ZNF280D: variants seen among roughly 807,000 people sequenced by gnomAD.
ZNF280D encodes zinc finger protein 280D.
A neutral mutation model predicts 94.7 loss-of-function variants in ZNF280D; 39 were observed. The ratio of observed to expected loss-of-function variants is 0.41; its 90% CI spans 0.32 to 0.54. The LOEUF is 0.54. Among genes scored for constraint, ZNF280D ranks in the 20% least tolerant of loss-of-function variants. The pLI is 0.22. For synonymous variants in ZNF280D, 398 were observed against 377.6 expected, an observed-to-expected ratio of 1.05 and a Z score of -0.63; for missense variants, 1,090 against 1,149.3, an observed-to-expected ratio of 0.95 and a Z score of 0.75.
intron 10 of ZNF280D, among the ~76,000 whole-genome samples, chr15:56,680,725 C>A (rs1028425118): frequency 3.3e-5 from 5 of 152,168 alleles, no homozygotes; most frequent in African/African-American, 1.2e-4. Flanking sequence ...GATCATCCTG[C>A]CTCAGCCTCC....
chr15:56,652,892 C>A (rs1204110035), intron 19 of ZNF280D: 1 of 983,146 alleles, frequency 1.0e-6, no homozygotes. Flanking sequence ...GTAGAGAATT[C>A]TAAGAAATCT....
At chr15:56,732,303 C>G (rs556296803) in intron 1 of ZNF280D, among the ~76,000 whole-genome samples, 6 of 152,230 alleles carry the variant, frequency 3.9e-5, no homozygotes, top group African/African-American at 7.2e-5. Context: ...CAGGGGTTAT[C>G]AATGAAAGGC....
rs191102618 is a variant in ZNF280D at position 56,672,308 on chromosome 15, C to T, written c.1411-3351G>A. Among the ~76,000 whole-genome samples, 1,078 of 152,190 alleles carry T rather than the reference C, an allele frequency of 7.1e-3. 14 individuals carry two copies. Among genetic ancestry groups the T allele is most frequent in the African/African-American group, 0.025 (1,031 of 41,528 alleles). On this transcript the variant is annotated intron_variant, in intron 13 of 21. Transcript: ENST00000267807. ...TTTTGCCCATTCAGTATGATACTGG[C>T]TGTGGGTTTGTCATATATGGCTCTT...
chr15:56,636,909 C>T (rs1446991585), intron 20 of ZNF280D, among the ~76,000 whole-genome samples: 4 of 152,080 alleles, frequency 2.6e-5, no homozygotes, highest in Non-Finnish European at 4.4e-5. Context: ...AGTGAGCCAC[C>T]GTGCCCAGCC....
chr15:56,670,391 A>G (rs1017838897), intron 13 of ZNF280D, among the ~76,000 whole-genome samples: 1 of 151,012 alleles, frequency 6.6e-6, no homozygotes, highest in Non-Finnish European at 1.5e-5. Context: ...GTTCCCCTCT[A>G]TGTGTCTTGT....
At chr15:56,728,068 G>A (rs1177126482) in intron 1 of ZNF280D, among the ~76,000 whole-genome samples, 2 of 151,036 alleles carry the variant, frequency 1.3e-5, no homozygotes, top group African/African-American at 4.9e-5. Context: ...GTCTCACTCT[G>A]TCACCCAGGC....
At chr15:56,658,402 T>TA (rs780190577) in intron 17 of ZNF280D, 22 bp downstream of exon 17, 12 of 1,561,542 alleles carry the variant, frequency 7.7e-6, no homozygotes, top group South Asian at 6.1e-5. Flanking sequence ...ATAGAAAGAG[T>TA]AAAAAAAGAT....
chr15:56,634,739 T>A (rs534619870), intron 21 of ZNF280D, among the ~76,000 whole-genome samples: 1 of 152,250 alleles, frequency 6.6e-6, no homozygotes, highest in East Asian at 1.9e-4. Context: ...TACCAAAGTA[T>A]GAAAATTTTA....
intron 6 of ZNF280D, chr15:56,699,671 C>CAA: frequency 2.6e-6 from 2 of 757,136 alleles, no homozygotes; most frequent in Non-Finnish European, 3.2e-6. Context: ...CATGTAACAA[C>CAA]AAAAAAAAAT....
chr15:56,653,791 GA>G, intron 19 of ZNF280D: 2 of 1,259,930 alleles, frequency 1.6e-6, no homozygotes, highest in Non-Finnish European at 2.0e-6. Flanking sequence ...TGTAAGCAAA[GA>G]AAAGACCATA....
intron 6 of ZNF280D, among the ~76,000 whole-genome samples, chr15:56,694,376 C>CTCA (rs1332160832): frequency 1.3e-5 from 2 of 151,278 alleles, no homozygotes; most frequent in African/African-American, 4.9e-5. Flanking sequence ...CTAAAAGATA[C>CTCA]TCATTGTGGA....
intron 1 of ZNF280D, chr15:56,729,880 C>A (rs1296204982): frequency 3.3e-5 from 5 of 152,152 alleles, no homozygotes; most frequent in African/African-American, 1.2e-4. Flanking sequence ...GCAAAGCGTT[C>A]AAATGTGATG....
intron 1 of ZNF280D, among the ~76,000 whole-genome samples, chr15:56,712,843 T>G (rs1223241609): frequency 6.7e-6 from 1 of 149,848 alleles, no homozygotes; most frequent in African/African-American, 2.5e-5. Context: ...CAGGTTCAAG[T>G]GATTCTCCTG....
At position 56,630,749 on chromosome 15, in the gene ZNF280D, T is replaced by G. The variant is rs2052042312; in HGVS notation, c.*749A>C. ...TAATACAACTAATACATCAAAGAAT[T>G]TCTACACAGCTTACACACTGACAAA... On this transcript the variant is annotated 3_prime_UTR_variant, in exon 22 of 22. Transcript: ENST00000267807. The G allele has an allele frequency of 1.3e-5, 2 of 152,150 alleles. No individual in the cohort carries two copies. Among genetic ancestry groups the G allele is most frequent in the South Asian group, 4.1e-4 (2 of 4,828 alleles). The allele number at this position is 152,150 out of a possible 1,614,324, so 9.4% of individuals were successfully genotyped here.
Position 56,654,556 on chromosome 15 carries a change from A to G in ZNF280D, c.2058-53T>C, listed in dbSNP as rs2053415775. On this transcript the variant is annotated intron_variant, in intron 17 of 21. Transcript: ENST00000267807. ...TTTTATCTTTTATGAAAATCCACTT[A>G]TAAGTTTGATGATTATTTTTCCATA... 6.1e-6 allele frequency: 9 copies of G among 1,482,108 alleles called. No individual in the cohort carries two copies. In the South Asian group the frequency reaches 7.9e-5, roughly 13 times the overall value. The allele number at this position is 1,482,108 out of a possible 1,614,324, so 91.8% of individuals were successfully genotyped here. A position where few individuals can be genotyped will look rare whatever the true frequency, so the allele number is the denominator to read the frequency against.
At chr15:56,679,640 G>T (rs1030648016) in intron 10 of ZNF280D, among the ~76,000 whole-genome samples, 2 of 152,142 alleles carry the variant, frequency 1.3e-5, no homozygotes, top group Non-Finnish European at 2.9e-5. Flanking sequence ...TGCTGAATTT[G>T]AGAGTAAAGT....
chr15:56,655,700 A>T (rs2053509690), intron 17 of ZNF280D, among the ~76,000 whole-genome samples: 1 of 152,236 alleles, frequency 6.6e-6, no homozygotes, highest in Non-Finnish European at 1.5e-5. Flanking sequence ...ATTCTAACTT[A>T]AAATGCATTT....
chr15:56,680,152 A>G (rs926093788), intron 10 of ZNF280D, among the ~76,000 whole-genome samples: 2 of 152,220 alleles, frequency 1.3e-5, no homozygotes, highest in African/African-American at 4.8e-5. Flanking sequence ...GTGACACTCA[A>G]TGTAGGAAAG....
At chr15:56,693,563 C>A (rs778465125) in intron 6 of ZNF280D, among the ~76,000 whole-genome samples, 67 of 151,780 alleles carry the variant, frequency 4.4e-4, no homozygotes, top group Non-Finnish European at 5.6e-4. Context: ...ACTTATATAT[C>A]AGTAAGATTG....
Sources: gnomAD v4.1 joint callset for allele counts (sites outside exome capture counted in the v4.1 genomes callset) on GRCh38, gnomAD v4.1.1 for gene constraint, MANE v1.5 for transcripts, NCBI Gene and HGNC (gene_info 2026-07-23, HGNC 2026-07-21) for gene names.